DIP2C: variants seen among roughly 807,000 people sequenced by gnomAD.
DIP2C encodes the protein DIP2 acetate--CoA ligase C (putative).
In DIP2C, 33 loss-of-function variants were observed where a neutral mutation model predicts 192.4. That is an observed-to-expected ratio of 0.17 (90% confidence interval 0.13 to 0.23). DIP2C has a LOEUF of 0.23. Ranked by LOEUF, DIP2C falls within the 10% of genes least tolerant of loss-of-function variation. DIP2C has a pLI of 1.00. For missense variants in DIP2C, 1,537 were observed against 2,110.1 expected (o/e 0.73, Z 5.32); for synonymous variants, 979 against 864.1 (o/e 1.13, Z -2.33).
chr10:558,719 C>T (rs1419387931), intron 1 of DIP2C, among the ~76,000 whole-genome samples: 1 of 152,210 alleles, frequency 6.6e-6, no homozygotes, highest in African/African-American at 2.4e-5. Flanking sequence ...ATACAGGCCG[C>T]CTATGTCAGG....
chr10:475,669 G>A (rs955947669), intron 2 of DIP2C, among the ~76,000 whole-genome samples: 23 of 152,120 alleles, frequency 1.5e-4, no homozygotes, highest in African/African-American at 5.1e-4. Flanking sequence ...TAAAATAGAA[G>A]AACTAGCTTC....
chr10:636,991 G>A lies in DIP2C; in HGVS notation c.85+52503C>T, dbSNP rs1320017321. On this transcript the variant is annotated intron_variant, in intron 1 of 36. Transcript: ENST00000280886. The surrounding 1 kb of genome is among the most constrained non-coding windows in gnomAD (Gnocchi z 4.6). ...CGTGTGCACCAGCACCCACATCCCC[G>A]CATCAGAAACACCTGGAGGGGCCGC... Among the ~76,000 whole-genome samples the A allele has an allele frequency of 2.6e-5, 4 of 152,236 alleles. No individual in the cohort carries two copies. The highest frequency in any genetic ancestry group is 4.4e-5 in the Non-Finnish European group (3 of 68,044).
intron 34 of DIP2C, among the ~76,000 whole-genome samples, chr10:286,066 G>A (rs1007667910): frequency 6.6e-6 from 1 of 152,226 alleles, no homozygotes; most frequent in Non-Finnish European, 1.5e-5. Context: ...ACTTCCCTAA[G>A]GAAGTGCCAT....
At chr10:459,793 A>G (rs1969610906) in intron 3 of DIP2C, among the ~76,000 whole-genome samples, 1 of 131,384 alleles carries the variant, frequency 7.6e-6, no homozygotes, top group East Asian at 2.3e-4. Context: ...GCTGCACGTG[A>G]GCTCTAGGAC....
chr10:364,730 C>T (rs999403947), intron 19 of DIP2C, 148 bp from the exon 20 acceptor site: 21 of 843,100 alleles, frequency 2.5e-5, no homozygotes, highest in East Asian at 1.1e-4. Context: ...TCACAGTGAC[C>T]GCTGGTGGCC....
At chr10:366,185 A>G in intron 19 of DIP2C, 90 bp downstream of exon 19, 1 of 1,529,990 alleles carries the variant, frequency 6.5e-7, no homozygotes, top group Admixed American at 2.0e-5. Context: ...AATGGATCTT[A>G]CATTCCACGT....
intron 1 of DIP2C, among the ~76,000 whole-genome samples, chr10:511,719 C>A (rs77948592): frequency 0.029 from 4,413 of 152,170 alleles, 104 homozygotes; most frequent in South Asian, 0.052. Flanking sequence ...GTGGCGGCTC[C>A]GAGCTCTCTT....
At chr10:362,440 G>A in intron 22 of DIP2C, 50 bp downstream of exon 22, 1 of 1,593,036 alleles carries the variant, frequency 6.3e-7, no homozygotes, top group Non-Finnish European at 8.6e-7. Context: ...GTGCCGTGCA[G>A]CCCCAAGGGA....
At chr10:420,244 G>C (rs75833056) in intron 5 of DIP2C, among the ~76,000 whole-genome samples, 1 of 152,234 alleles carries the variant, frequency 6.6e-6, no homozygotes, top group Non-Finnish European at 1.5e-5. Flanking sequence ...ACAGAAGATC[G>C]AGGCACAGAA....
chr10:410,494 A>G (rs1965115789), intron 8 of DIP2C, among the ~76,000 whole-genome samples: 1 of 152,212 alleles, frequency 6.6e-6, no homozygotes, highest in African/African-American at 2.4e-5. Context: ...TTCCTGGAAA[A>G]GATCACTGGC....
Position 413,968 on chromosome 10 carries a change from C to T in DIP2C, c.1002G>A (p.Ala334=), listed in dbSNP as rs143367556. Residue 334 remains alanine, a synonymous_variant, in exon 8 of 37, where the codon GCG becomes GCA. Transcript: ENST00000280886. The part of the protein sequence containing the change: ...LQRWGTISPK[A]PCLTTMDTNG... Reference sequence around the variant, plus strand: ...TGGTGTCCATGGTGGTCAGGCAGGGCGCCTTGGGCGAGATGGTGCCCCACC... The same window carrying T: ...TGGTGTCCATGGTGGTCAGGCAGGGTGCCTTGGGCGAGATGGTGCCCCACC... The T allele has an allele frequency of 9.3e-6, 15 of 1,614,052 alleles. No individual in the cohort carries two copies. The highest frequency in any genetic ancestry group is 5.5e-5 in the South Asian group (5 of 91,092).
At chr10:641,185 C>T (rs538336604) in intron 1 of DIP2C, among the ~76,000 whole-genome samples, 172 of 151,552 alleles carry the variant, frequency 1.1e-3, no homozygotes, top group African/African-American at 3.4e-3. Flanking sequence ...CTCAAGGCAA[C>T]ACCTCGTTCT....
intron 32 of DIP2C, among the ~76,000 whole-genome samples, chr10:289,601 C>T (rs1767323732): frequency 6.6e-6 from 1 of 152,186 alleles, no homozygotes; most frequent in Non-Finnish European, 1.5e-5. Flanking sequence ...AGAACCCACT[C>T]TTATGCACTC....
intron 2 of DIP2C, 44 bp downstream of exon 2, chr10:486,415 T>C: frequency 6.6e-7 from 1 of 1,518,942 alleles, no homozygotes; most frequent in Non-Finnish European, 8.9e-7. Context: ...ACATAGTGAA[T>C]GCGGGAAATG....
At chr10:548,519 GAGGCAGGCAGGC>G (rs565040745) in intron 1 of DIP2C, among the ~76,000 whole-genome samples, 16 of 110,650 alleles carry the variant, frequency 1.4e-4, no homozygotes, top group South Asian at 2.5e-4. Context: ...GGGAGGGAGG[GAGGCAGGCAGGC>G]AGGCAGGCAG....
chr10:489,564 A>G (rs545343698), intron 1 of DIP2C, among the ~76,000 whole-genome samples: 21 of 150,972 alleles, frequency 1.4e-4, no homozygotes, highest in African/African-American at 4.9e-4. Flanking sequence ...TGGCTCTGAC[A>G]GTGCCTGGTG....
intron 1 of DIP2C, among the ~76,000 whole-genome samples, chr10:639,754 T>G (rs766690266): frequency 5.9e-5 from 9 of 152,312 alleles, no homozygotes; most frequent in Admixed American, 2.6e-4. Context: ...GTTTTACAGA[T>G]TACATCAAGG....
At chr10:292,482 C>G (rs543570016) in intron 32 of DIP2C, among the ~76,000 whole-genome samples, 1 of 152,340 alleles carries the variant, frequency 6.6e-6, no homozygotes, top group African/African-American at 2.4e-5. Context: ...AGAGAGTTGA[C>G]ATGAGGGAAC....
At chr10:609,549 CA>C (rs1564266111) in intron 1 of DIP2C, among the ~76,000 whole-genome samples, 1 of 152,170 alleles carries the variant, frequency 6.6e-6, no homozygotes, top group Non-Finnish European at 1.5e-5. Context: ...AATTAAAAAA[CA>C]ATGTAAGTCA....
Sources: allele counts gnomAD v4.1 joint callset (sites outside exome capture counted in the v4.1 genomes callset), GRCh38; gene constraint gnomAD v4.1.1; non-coding constraint Gnocchi (gnomAD v3.1); transcripts MANE v1.5; gene names NCBI Gene and HGNC (gene_info 2026-07-23, HGNC 2026-07-21).